Variants in GRIN2B observed in about 807,000 individuals in gnomAD.
The protein encoded by GRIN2B is glutamate receptor ionotropic, NMDA 2B.
GRIN2B carries 5 observed loss-of-function variants against 114.5 expected under a neutral mutation model. The observed-to-expected ratio is 0.04, with a 90% CI of 0.02 to 0.09. The LOEUF (loss-of-function observed/expected upper bound fraction) is 0.09, where lower values mean the gene tolerates loss of function less well. GRIN2B is among the 10% of genes least tolerant of loss of function. The probability of loss-of-function intolerance (pLI) is 1.00; values close to 1 mark genes in which losing one functional copy is unlikely to be tolerated. For synonymous variants in GRIN2B, 787 were observed against 745.1 expected (o/e 1.06, Z -0.92); for missense variants, 1,108 against 1,943.5 (o/e 0.57, Z 8.08).
At chr12:13,589,110 G>A (rs1240766440) in intron 10 of GRIN2B, among the ~76,000 whole-genome samples, 1 of 151,958 alleles carries the variant, frequency 6.6e-6, no homozygotes, top group African/African-American at 2.4e-5. Flanking sequence ...CATTTAACTC[G>A]GTGTCCTGTA....
intron 3 of GRIN2B, among the ~76,000 whole-genome samples, chr12:13,762,045 C>A (rs1863688707): frequency 6.6e-6 from 1 of 152,020 alleles, no homozygotes; most frequent in African/African-American, 2.4e-5. Context: ...GCTCTGTCAC[C>A]CAGGCTGGAG....
At chr12:13,780,424 G>C (rs1432434286) in intron 3 of GRIN2B, among the ~76,000 whole-genome samples, 2 of 152,196 alleles carry the variant, frequency 1.3e-5, no homozygotes, top group Non-Finnish European at 2.9e-5. Context: ...AATGTTATTT[G>C]TGTGGCCTTT....
At chr12:13,970,072 C>T (rs764127712) in intron 2 of GRIN2B, among the ~76,000 whole-genome samples, 4 of 152,178 alleles carry the variant, frequency 2.6e-5, no homozygotes, top group Non-Finnish European at 5.9e-5. Context: ...AGGCTGGTCT[C>T]GAACTCCTGA....
In GRIN2B at chr12:13,556,127, GGTTA is replaced by G; in HGVS notation, c.*6652_*6655del. 1 of 152,242 alleles carries G rather than the reference GGTTA, an allele frequency of 6.6e-6. No individual in the cohort carries two copies. The highest frequency in any genetic ancestry group is 3.4e-3 in the Middle Eastern group (1 of 294). The allele number at this position is 152,242 out of a possible 1,614,324, so 9.4% of individuals were successfully genotyped here. A position where few individuals can be genotyped will look rare whatever the true frequency, so the allele number is the denominator to read the frequency against. On this transcript the variant is annotated 3_prime_UTR_variant, in exon 14 of 14. Transcript: ENST00000609686. The stretch of plus-strand genomic sequence containing the variant: ...GAAGATATAGAAAAGGCAAGGTTGT[GGTTA>G]GAGAGGAAATCCCAGAGTTTTAGCT...
chr12:13,790,442 AT>A (rs909811659), intron 3 of GRIN2B, among the ~76,000 whole-genome samples: 3 of 152,202 alleles, frequency 2.0e-5, no homozygotes, highest in Non-Finnish European at 4.4e-5. Context: ...AAGAAGCTTA[AT>A]TTTTAAAAAC....
intron 3 of GRIN2B, among the ~76,000 whole-genome samples, chr12:13,793,885 G>A (rs910465746): frequency 5.3e-5 from 8 of 151,866 alleles, no homozygotes; most frequent in African/African-American, 1.9e-4. Flanking sequence ...TTTAAAATCT[G>A]TGTCTTCAAG....
chr12:13,934,140 T>C (rs777235716), intron 2 of GRIN2B, among the ~76,000 whole-genome samples: 1 of 152,238 alleles, frequency 6.6e-6, no homozygotes, highest in African/African-American at 2.4e-5. Context: ...CACTAGCTAA[T>C]CTTGGCAGCT....
intron 3 of GRIN2B, among the ~76,000 whole-genome samples, chr12:13,823,908 T>C (rs1295240075): frequency 6.6e-6 from 1 of 152,180 alleles, no homozygotes; most frequent in African/African-American, 2.4e-5. Context: ...GAAGTGATCA[T>C]ATATATTTTT....
chr12:13,609,828 G>T (rs1020708279), intron 9 of GRIN2B, among the ~76,000 whole-genome samples: 5 of 151,952 alleles, frequency 3.3e-5, no homozygotes, highest in African/African-American at 7.2e-5. Flanking sequence ...TAGAATCCTG[G>T]CCTGGCTACC....
At chr12:13,948,329 C>T (rs1867403895) in intron 2 of GRIN2B, among the ~76,000 whole-genome samples, 4 of 152,090 alleles carry the variant, frequency 2.6e-5, no homozygotes, top group South Asian at 2.1e-4. Context: ...AAATGGGCTG[C>T]GATGAAAGAA....
intron 3 of GRIN2B, among the ~76,000 whole-genome samples, chr12:13,800,056 C>T (rs893373710): frequency 4.6e-5 from 7 of 152,128 alleles, no homozygotes; most frequent in African/African-American, 1.7e-4. Flanking sequence ...AATGGGAACA[C>T]AAAGCAGCTC....
intron 5 of GRIN2B, among the ~76,000 whole-genome samples, chr12:13,635,989 T>C (rs1949662798): frequency 6.6e-6 from 1 of 152,014 alleles, no homozygotes; most frequent in South Asian, 2.1e-4. Flanking sequence ...AGAAAGACAA[T>C]AAACAAATAT....
In GRIN2B at chr12:13,808,748, A is replaced by ATATATATATATATATATAT. The variant is rs1388525573; in HGVS notation, c.412-54834_412-54833insATATATATATATATATATA. On this transcript the variant is annotated intron_variant, in intron 3 of 13. Transcript: ENST00000609686. ...CCCTAGAACTTAAAGTATAATAAAAAAAAAATATATATATATATATATACA... is the reference window on the plus strand; with the variant it reads ...CCCTAGAACTTAAAGTATAATAAAAATATATATATATATATATATAAAAATATATATATATATATATACA... Among the ~76,000 whole-genome samples the ATATATATATATATATATAT allele has an allele frequency of 2.0e-3, 222 of 110,114 alleles. 2 individuals carry two copies. Among genetic ancestry groups the ATATATATATATATATATAT allele is most frequent in the East Asian group, 6.8e-3 (28 of 4,122 alleles). The allele number at this position is 110,114 out of a possible 152,430, so 72.2% of individuals were successfully genotyped here.
chr12:13,667,158 C>A (rs1343120081), intron 5 of GRIN2B, among the ~76,000 whole-genome samples: 1 of 152,126 alleles, frequency 6.6e-6, no homozygotes, highest in Non-Finnish European at 1.5e-5. Flanking sequence ...ATGAAACCAA[C>A]ATGATGAAAA....
intron 4 of GRIN2B, among the ~76,000 whole-genome samples, chr12:13,708,213 G>C (rs981321692): frequency 1.3e-5 from 2 of 152,076 alleles, no homozygotes; most frequent in African/African-American, 4.8e-5. Flanking sequence ...TTTGAGGCTG[G>C]GTAATGAGGA....
intron 5 of GRIN2B, among the ~76,000 whole-genome samples, chr12:13,670,522 C>G (rs1038158871): frequency 1.3e-5 from 2 of 152,050 alleles, no homozygotes; most frequent in African/African-American, 4.8e-5. Flanking sequence ...ATTTTAGGAA[C>G]GATTAAATGG....
intron 3 of GRIN2B, among the ~76,000 whole-genome samples, chr12:13,775,977 G>A (rs140436075): frequency 1.2e-4 from 18 of 152,158 alleles, no homozygotes; most frequent in African/African-American, 3.6e-4. Flanking sequence ...ACATGTACAC[G>A]TATGTTCACT....
intron 3 of GRIN2B, among the ~76,000 whole-genome samples, chr12:13,785,739 T>C (rs1399400985): frequency 1.3e-5 from 2 of 152,190 alleles, no homozygotes; most frequent in Non-Finnish European, 2.9e-5. Context: ...AATCATCACA[T>C]CAATCTTGTG....
chr12:13,791,908 T>G (rs1864328556), intron 3 of GRIN2B, among the ~76,000 whole-genome samples: 1 of 152,242 alleles, frequency 6.6e-6, no homozygotes, highest in Non-Finnish European at 1.5e-5. Context: ...TCTCATTTCT[T>G]CTTTTTAATT....
Sources: allele counts gnomAD v4.1 joint callset (sites outside exome capture counted in the v4.1 genomes callset), GRCh38; gene constraint gnomAD v4.1.1; transcripts MANE v1.5; gene names NCBI Gene and HGNC (gene_info 2026-07-23, HGNC 2026-07-21).